Variants in LPIN1 observed in about 807,000 individuals in gnomAD.
The protein encoded by LPIN1 is phosphatidate phosphatase LPIN1.
Under a neutral mutation model 107.5 loss-of-function variants are expected in LPIN1, and 71 were observed. The observed-to-expected ratio is 0.66, with a 90% CI of 0.55 to 0.80. LPIN1 has a LOEUF of 0.80. LPIN1 is among the 30% of genes least tolerant of loss of function. LPIN1 has a pLI of 0.00. For missense variants in LPIN1, 1,043 were observed against 1,160.6 expected, an observed-to-expected ratio of 0.90 and a Z score of 1.47; for synonymous variants, 445 against 452.6, an observed-to-expected ratio of 0.98 and a Z score of 0.21.
At chr2:11,689,970 A>G (rs957050193) in intron 1 of LPIN1, among the ~76,000 whole-genome samples, 7 of 152,224 alleles carry the variant, frequency 4.6e-5, no homozygotes, top group African/African-American at 1.4e-4. Flanking sequence ...GAATTTATTT[A>G]TTACTTCTAT....
At chr2:11,808,820 G>A (rs1306969146) in intron 17 of LPIN1, among the ~76,000 whole-genome samples, 1 of 149,562 alleles carries the variant, frequency 6.7e-6, no homozygotes, top group Non-Finnish European at 1.5e-5. Flanking sequence ...GCAGTGAGCC[G>A]AGATCGCACC....
rs1181941754 is a variant in LPIN1, at chr2:11,825,888, C to G, written c.*1097C>G. On this transcript the variant is annotated 3_prime_UTR_variant, in exon 21 of 21. Coordinates refer to ENST00000674199, the MANE Select transcript of LPIN1 (RefSeq NM_001349206.2). This position sits in a 1 kb window ranked among gnomAD's most constrained non-coding sequence, Gnocchi z 4.1. ...ATATTAAAAAGATGTATGTGTTAGA[C>G]TATCGAAAGGGCCTTATTCTCTCTT... is the stretch of plus-strand genomic sequence containing the variant. 6.6e-6 allele frequency: 1 copy of G among 152,182 alleles called. No individual in the cohort carries two copies. Among genetic ancestry groups the G allele is most frequent in the Non-Finnish European group, 1.5e-5 (1 of 68,036 alleles). 9.4% of individuals were successfully genotyped at this position (152,182 alleles called of 1,614,324 possible). A position where few individuals can be genotyped will look rare whatever the true frequency, so the allele number is the denominator to read the frequency against.
intron 1 of LPIN1, among the ~76,000 whole-genome samples, chr2:11,688,936 CAA>C (rs1475000096): frequency 6.6e-6 from 1 of 152,090 alleles, no homozygotes; most frequent in Non-Finnish European, 1.5e-5. Flanking sequence ...AGTTTCTACC[CAA>C]TTAGAAATGC....
At chr2:11,815,869 T>C (rs749514277) in intron 18 of LPIN1, among the ~76,000 whole-genome samples, 2 of 152,144 alleles carry the variant, frequency 1.3e-5, no homozygotes, top group South Asian at 2.1e-4. Context: ...CCAGACTAAC[T>C]CTGGCCCCTT....
intron 11 of LPIN1, 22 bp from the exon 12 acceptor site, chr2:11,788,365 A>G (rs755044553): frequency 2.1e-5 from 33 of 1,589,598 alleles, no homozygotes; most frequent in South Asian, 2.0e-4. Context: ...TTTTTGACAT[A>G]TATTTCATTG....
intron 18 of LPIN1, chr2:11,818,565 G>A (rs1395926145): frequency 6.6e-6 from 1 of 151,654 alleles, no homozygotes; most frequent in African/African-American, 2.4e-5. Flanking sequence ...TTTAATTCTG[G>A]TAATTCATGT....
rs910782010 is a variant in LPIN1, at chr2:11,803,304, C to T, written c.2013+271C>T. ...TAGAGTTAGGAGGAAGGCAGCCTGG[C>T]GGAGCTAATTCGTCCTAAGGTGTCA... On this transcript the variant is annotated intron_variant, in intron 15 of 20. Transcript: ENST00000674199. The surrounding 1 kb of genome is among the most constrained non-coding windows in gnomAD (Gnocchi z 4.2). Among the ~76,000 whole-genome samples, 5 of 151,978 alleles carry T rather than the reference C, an allele frequency of 3.3e-5. No homozygotes were observed. Among genetic ancestry groups the T allele is most frequent in the African/African-American group, 4.8e-5 (2 of 41,396 alleles).
chr2:11,778,291 C>T (rs985137858), intron 6 of LPIN1, among the ~76,000 whole-genome samples: 6 of 152,180 alleles, frequency 3.9e-5, no homozygotes, highest in South Asian at 4.1e-4. Flanking sequence ...CAGGCTGCCC[C>T]GTGGCAGCAC....
Position 11,774,870 on chromosome 2 carries a change from T to G in LPIN1, c.722+1125T>G, listed in dbSNP as rs1572739718. On this transcript the variant is annotated intron_variant, in intron 5 of 20. Coordinates refer to ENST00000674199, the MANE Select transcript of LPIN1 (RefSeq NM_001349206.2). This position sits in a 1 kb window ranked among gnomAD's most constrained non-coding sequence, Gnocchi z 4.4. ...CTGTGACAAAGTCCCTGCATGGAGG[T>G]CTTCCTGCGTCAGAGCCTAGCCCTG... 6.6e-6 allele frequency among the ~76,000 whole-genome samples: 1 copy of G among 151,512 alleles called. No homozygotes were observed. Among genetic ancestry groups the G allele is most frequent in the East Asian group, 1.9e-4 (1 of 5,154 alleles).
intron 20 of LPIN1, among the ~76,000 whole-genome samples, chr2:11,823,710 A>C (rs1681956437): frequency 6.6e-6 from 1 of 152,188 alleles, no homozygotes. Context: ...AGGTGCCTGG[A>C]GGTCTGAACA....
intron 1 of LPIN1, among the ~76,000 whole-genome samples, chr2:11,686,147 C>T (rs976546709): frequency 1.3e-5 from 2 of 152,226 alleles, no homozygotes; most frequent in African/African-American, 4.8e-5. Context: ...GCGCCTGGAA[C>T]TTGCTGAAGA....
At position 11,795,160 on chromosome 2, in the gene LPIN1, T is replaced by C. The variant is rs555876702; in HGVS notation, c.1807-248T>C. 2.7e-3 allele frequency among the ~76,000 whole-genome samples: 413 copies of C among 152,344 alleles called. 3 individuals carry two copies. The highest frequency in any genetic ancestry group is 9.3e-3 in the African/African-American group (387 of 41,586). On this transcript the variant is annotated intron_variant, in intron 13 of 20. Transcript: ENST00000674199. ...TTTGGTTTGGTGCCACAAACACTTATGGATAACAGATTCGTTTCTGTCAAA... is the reference window on the plus strand; with the variant it reads ...TTTGGTTTGGTGCCACAAACACTTACGGATAACAGATTCGTTTCTGTCAAA...
chr2:11,751,073 T>C (rs989890165), intron 1 of LPIN1, among the ~76,000 whole-genome samples: 2 of 152,236 alleles, frequency 1.3e-5, no homozygotes, highest in African/African-American at 2.4e-5. Context: ...TTGCTCAGCA[T>C]AGTTGTCATA....
chr2:11,782,382 A>T lies in LPIN1; in HGVS notation c.1139A>T (p.Asn380Ile). ...CCTCAGACAGAAATGCAGTTTGTGAATGAAGAAGACCTGGAGACCTTAGGA... is the reference window on the plus strand; with the variant it reads ...CCTCAGACAGAAATGCAGTTTGTGATTGAAGAAGACCTGGAGACCTTAGGA... ...NKPQTEMQFV[N>I]EEDLETLGAA... Residue 380 changes from asparagine (N) to isoleucine (I), a missense_variant, in exon 8 of 21, where the codon AAT becomes ATT. Physicochemically the swap from Asn to Ile is moderately radical, Grantham distance 149. Transcript: ENST00000674199. The T allele has an allele frequency of 6.2e-7, 1 of 1,614,238 alleles. No homozygotes were observed. The highest frequency in any genetic ancestry group is 8.5e-7 in the Non-Finnish European group (1 of 1,180,044).
intron 1 of LPIN1, among the ~76,000 whole-genome samples, chr2:11,751,769 G>A (rs1042728760): frequency 2.0e-5 from 3 of 152,142 alleles, no homozygotes; most frequent in Non-Finnish European, 2.9e-5. Flanking sequence ...GGAGATTGGC[G>A]TGAACCTGGG....
intron 14 of LPIN1, among the ~76,000 whole-genome samples, chr2:11,798,566 T>G (rs943797592): frequency 6.6e-6 from 1 of 152,180 alleles, no homozygotes; most frequent in Non-Finnish European, 1.5e-5. Context: ...CAAAAAATGC[T>G]TTTTCCCATC....
chr2:11,823,837 A>T (rs1558321097), intron 20 of LPIN1, among the ~76,000 whole-genome samples: 1 of 152,210 alleles, frequency 6.6e-6, no homozygotes, highest in African/African-American at 2.4e-5. Flanking sequence ...TGTAGGAAGC[A>T]TTGGGAAGCC....
chr2:11,698,832 AG>A (rs927949053), intron 1 of LPIN1, among the ~76,000 whole-genome samples: 3 of 152,236 alleles, frequency 2.0e-5, no homozygotes, highest in Admixed American at 1.3e-4. Context: ...CTGGTGTGTC[AG>A]CCTGAGCCAG....
At chr2:11,744,002 G>A (rs992606169), upstream of LPIN1, among the ~76,000 whole-genome samples, 3 of 152,206 alleles carry the variant, frequency 2.0e-5, no homozygotes, top group Non-Finnish European at 4.4e-5. Flanking sequence ...CCCCACAACT[G>A]TGACAGCAGC....
Sources: gnomAD v4.1 joint callset for allele counts (sites outside exome capture counted in the v4.1 genomes callset) on GRCh38, gnomAD v4.1.1 for gene constraint, Gnocchi (gnomAD v3.1) non-coding constraint, MANE v1.5 for transcripts, NCBI Gene and HGNC (gene_info 2026-07-23, HGNC 2026-07-21) for gene names.